Variants in THSD7B observed in about 807,000 individuals in gnomAD.
The protein encoded by THSD7B is thrombospondin type 1 domain containing 7B.
A neutral mutation model predicts 213.6 loss-of-function variants in THSD7B; 138 were observed. The ratio of observed to expected loss-of-function variants is 0.65; its 90% CI spans 0.56 to 0.74. THSD7B has a LOEUF of 0.74. Ranked by LOEUF, THSD7B falls within the 30% of genes least tolerant of loss-of-function variation. The pLI is 0.00. For synonymous variants in THSD7B, 742 were observed against 687.0 expected, an observed-to-expected ratio of 1.08 and a Z score of -1.25; for missense variants, 1,931 against 1,991.5, an observed-to-expected ratio of 0.97 and a Z score of 0.58.
intron 14 of THSD7B, among the ~76,000 whole-genome samples, chr2:137,445,772 C>T (rs1687523900): frequency 6.6e-6 from 1 of 151,832 alleles, no homozygotes; most frequent in African/African-American, 2.4e-5. Flanking sequence ...ATGTTCCCAA[C>T]ACAAAGAAAA....
At chr2:136,850,515 C>T (rs1433280335) in intron 1 of THSD7B, among the ~76,000 whole-genome samples, 1 of 151,956 alleles carries the variant, frequency 6.6e-6, no homozygotes, top group Non-Finnish European at 1.5e-5. Context: ...GGTGACTCTA[C>T]CATTAGCAGC....
chr2:137,626,391 G>T (rs2104847830), intron 20 of THSD7B, among the ~76,000 whole-genome samples: 1 of 151,010 alleles, frequency 6.6e-6, no homozygotes, highest in East Asian at 2.0e-4. Context: ...GTGAACCCCG[G>T]AGGCGGAGCT....
chr2:137,353,722 A>G (rs779168487), intron 12 of THSD7B, among the ~76,000 whole-genome samples: 3 of 152,132 alleles, frequency 2.0e-5, no homozygotes, highest in Non-Finnish European at 4.4e-5. Flanking sequence ...ATACAAATCA[A>G]AGAATCTTAT....
chr2:136,846,027 C>T (rs1439596247), intron 1 of THSD7B, among the ~76,000 whole-genome samples: 5 of 152,134 alleles, frequency 3.3e-5, no homozygotes, highest in African/African-American at 9.7e-5. Flanking sequence ...GTCACTGTCC[C>T]TCATCTTGGC....
intron 5 of THSD7B, among the ~76,000 whole-genome samples, chr2:137,132,444 A>C (rs1348258992): frequency 6.6e-6 from 1 of 152,082 alleles, no homozygotes. Context: ...GTAATAGAAT[A>C]GACCTTTCCT....
intron 2 of THSD7B, among the ~76,000 whole-genome samples, chr2:136,916,642 C>T (rs553001884): frequency 4.6e-5 from 7 of 152,260 alleles, no homozygotes; most frequent in East Asian, 3.9e-4. Context: ...GTATTTTCCC[C>T]GCTGCTTCTC....
intron 12 of THSD7B, among the ~76,000 whole-genome samples, chr2:137,321,294 C>T (rs1302512802): frequency 6.6e-6 from 1 of 152,112 alleles, no homozygotes; most frequent in Non-Finnish European, 1.5e-5. Flanking sequence ...TTTGAATACC[C>T]TAGACCTAAA....
chr2:137,125,266 AACTT>A (rs988828332), intron 5 of THSD7B, among the ~76,000 whole-genome samples: 2 of 152,172 alleles, frequency 1.3e-5, no homozygotes, highest in African/African-American at 4.8e-5. Flanking sequence ...CCAGTAGTAG[AACTT>A]ATTTCAAAAT....
At chr2:137,058,364 G>A (rs1322872769) in intron 3 of THSD7B, among the ~76,000 whole-genome samples, 1 of 152,028 alleles carries the variant, frequency 6.6e-6, no homozygotes, top group Admixed American at 6.6e-5. Context: ...TAAATACATT[G>A]TTTTCTTAAT....
chr2:137,281,171 T>C (rs1441867478), intron 12 of THSD7B, among the ~76,000 whole-genome samples: 1 of 152,116 alleles, frequency 6.6e-6, no homozygotes, highest in African/African-American at 2.4e-5. Context: ...CTAAACTCTG[T>C]CAAATCTTTT....
chr2:137,019,531 T>A (rs1686403952), intron 2 of THSD7B, among the ~76,000 whole-genome samples: 1 of 152,216 alleles, frequency 6.6e-6, no homozygotes, highest in South Asian at 2.1e-4. Context: ...TTATAATTAT[T>A]TGCCTTTGTC....
At chr2:137,025,047 G>T (rs1476853324) in intron 2 of THSD7B, among the ~76,000 whole-genome samples, 1 of 152,114 alleles carries the variant, frequency 6.6e-6, no homozygotes, top group African/African-American at 2.4e-5. Context: ...CAGCCACAAG[G>T]ATGAAGTAGC....
intron 7 of THSD7B, among the ~76,000 whole-genome samples, chr2:137,206,665 ATTT>A (rs1481856781): frequency 2.0e-5 from 3 of 152,010 alleles, no homozygotes; most frequent in African/African-American, 7.2e-5. Flanking sequence ...ACCATAAAGG[ATTT>A]TGCTCAGAAA....
intron 12 of THSD7B, among the ~76,000 whole-genome samples, chr2:137,279,543 A>AAAC (rs1294688387): frequency 2.6e-5 from 4 of 152,140 alleles, no homozygotes; most frequent in African/African-American, 9.7e-5. Flanking sequence ...ACCCTGGCTC[A>AAAC]AACAATAATA....
intron 3 of THSD7B, among the ~76,000 whole-genome samples, chr2:137,073,413 T>A (rs534326497): frequency 1.3e-5 from 2 of 152,364 alleles, no homozygotes; most frequent in South Asian, 4.1e-4. Flanking sequence ...TAGTATTCTC[T>A]GATGGTAGTT....
chr2:137,509,636 C>G (rs915781564), intron 15 of THSD7B, among the ~76,000 whole-genome samples: 1 of 152,144 alleles, frequency 6.6e-6, no homozygotes, highest in Non-Finnish European at 1.5e-5. Flanking sequence ...TCTTTGTCTG[C>G]TAAGTCCACT....
At chr2:137,558,728 A>G (rs2105217688) in intron 15 of THSD7B, among the ~76,000 whole-genome samples, 1 of 152,302 alleles carries the variant, frequency 6.6e-6, no homozygotes, top group South Asian at 2.1e-4. Flanking sequence ...ATCAGGCAGG[A>G]GAAAGAAATA....
intron 2 of THSD7B, among the ~76,000 whole-genome samples, chr2:137,019,683 T>G (rs1333274915): frequency 6.6e-6 from 1 of 152,184 alleles, no homozygotes; most frequent in Non-Finnish European, 1.5e-5. Context: ...TTGTATCTAT[T>G]TTTACCTAAT....
intron 1 of THSD7B, among the ~76,000 whole-genome samples, chr2:136,869,371 T>C (rs1284428902): frequency 6.6e-6 from 1 of 152,214 alleles, no homozygotes; most frequent in Non-Finnish European, 1.5e-5. Flanking sequence ...ATTTAAGAGA[T>C]AACCTACTGC....
Sources: gnomAD v4.1 joint callset for allele counts (sites outside exome capture counted in the v4.1 genomes callset) on GRCh38, gnomAD v4.1.1 for gene constraint, MANE v1.5 for transcripts, NCBI Gene and HGNC (gene_info 2026-07-23, HGNC 2026-07-21) for gene names.